RBFOX1: variants seen among roughly 807,000 people sequenced by gnomAD.
The protein encoded by RBFOX1 is RNA binding fox-1 homolog 1.
A neutral mutation model predicts 57.7 loss-of-function variants in RBFOX1; 8 were observed. The observed-to-expected ratio is 0.14, with a 90% CI of 0.08 to 0.25. RBFOX1 has a LOEUF of 0.25. RBFOX1 is among the 10% of genes least tolerant of loss of function. RBFOX1 has a pLI of 1.00. For missense variants in RBFOX1, 611 were observed against 548.5 expected (o/e 1.11, Z -1.14); for synonymous variants, 326 against 222.4 (o/e 1.47, Z -4.15).
Position 6,335,797 on chromosome 16 carries a change from A to AAAAAAG in RBFOX1, c.-64+18744_-64+18745insAGAAAA, listed in dbSNP as rs1555630917. On this transcript the variant is annotated intron_variant, in intron 2 of 15. Transcript: ENST00000550418. Reference sequence around the variant, plus strand: ...TCTCCAAAAAAAAAAAAAAGAAAAAAAAAAGAAAAGAAAAGAAAAGAAAAA... The same window carrying AAAAAAG: ...TCTCCAAAAAAAAAAAAAAGAAAAAAAAAAAGAAAAGAAAAGAAAAGAAAAGAAAAA... 1.3e-3 allele frequency among the ~76,000 whole-genome samples: 189 copies of AAAAAAG among 149,734 alleles called. 2 individuals are homozygous for AAAAAAG. The highest frequency in any genetic ancestry group is 4.1e-3 in the African/African-American group (164 of 40,188).
intron 3 of RBFOX1, among the ~76,000 whole-genome samples, chr16:6,913,503 C>G (rs1222181727): frequency 1.3e-5 from 2 of 152,148 alleles, no homozygotes; most frequent in African/African-American, 4.8e-5. Context: ...CCCTCGGCCC[C>G]ATCATCTGCA....
intron 1 of RBFOX1, among the ~76,000 whole-genome samples, chr16:6,244,277 A>T (rs1473886634): frequency 2.0e-5 from 3 of 151,898 alleles, no homozygotes; most frequent in Non-Finnish European, 4.4e-5. Flanking sequence ...GCAGAATGAA[A>T]TCCACGTGTT....
chr16:7,063,073 C>G (rs549923948), intron 4 of RBFOX1, among the ~76,000 whole-genome samples: 27 of 152,138 alleles, frequency 1.8e-4, no homozygotes, highest in African/African-American at 5.8e-4. Context: ...TCATACCCTG[C>G]AATGCCTCCC....
intron 3 of RBFOX1, among the ~76,000 whole-genome samples, chr16:6,806,233 G>GT (rs1356624924): frequency 6.6e-6 from 1 of 152,172 alleles, no homozygotes; most frequent in Non-Finnish European, 1.5e-5. Context: ...TCTATAGCCA[G>GT]TATTTGTTTT....
intron 3 of RBFOX1, among the ~76,000 whole-genome samples, chr16:5,744,107 A>G (rs1037236784): frequency 2.6e-5 from 4 of 152,132 alleles, no homozygotes; most frequent in African/African-American, 7.2e-5. Flanking sequence ...CTCCCAGGCT[A>G]CCATGCCCTG....
intron 3 of RBFOX1, among the ~76,000 whole-genome samples, chr16:6,720,129 ATGTT>A (rs1191601075): frequency 6.6e-6 from 1 of 152,044 alleles, no homozygotes; most frequent in African/African-American, 2.4e-5. Context: ...AAATAACAAA[ATGTT>A]AGTAAAGTGC....
rs55636828 is a variant in RBFOX1 at position 7,047,716 on chromosome 16, C to CTTTTT, written c.-15-4316_-15-4312dup. 5.7e-3 allele frequency among the ~76,000 whole-genome samples: 272 copies of CTTTTT among 47,760 alleles called. 2 individuals are homozygous for CTTTTT. The highest frequency in any genetic ancestry group is 0.026 in the Middle Eastern group (1 of 38). 31.3% of individuals were successfully genotyped at this position (47,760 alleles called of 152,430 possible). A position where few individuals can be genotyped will look rare whatever the true frequency, so the allele number is the denominator to read the frequency against. Reference sequence around the variant, plus strand: ...TATTTGTTCCACAGGTCCTGCATTTCTTTTTTTTTTTTTTTTTTTTTTTTT... The same window carrying CTTTTT: ...TATTTGTTCCACAGGTCCTGCATTTCTTTTTTTTTTTTTTTTTTTTTTTTTTTTTT... On this transcript the variant is annotated intron_variant, in intron 3 of 15. Transcript: ENST00000550418.
At chr16:6,752,861 C>T (rs1463128576) in intron 3 of RBFOX1, among the ~76,000 whole-genome samples, 1 of 150,464 alleles carries the variant, frequency 6.6e-6, no homozygotes, top group African/African-American at 2.4e-5. Context: ...GTCAGCCTCT[C>T]TGCTCACATA....
At chr16:7,154,391 T>C (rs1601234228) in intron 4 of RBFOX1, among the ~76,000 whole-genome samples, 3 of 152,248 alleles carry the variant, frequency 2.0e-5, no homozygotes, top group South Asian at 4.1e-4. Context: ...ACACATTTCA[T>C]GTGAATGTGG....
At position 7,204,499 on chromosome 16, in the gene RBFOX1, A is replaced by T. The variant is rs577169662; in HGVS notation, c.27+152401A>T. On this transcript the variant is annotated intron_variant, in intron 4 of 15. Transcript: ENST00000550418. Reference sequence around the variant, plus strand: ...TCTATAAAAATTATAATAGTAAATTAGCCAGGCATGGTGATATGCACCTGT... The same window carrying T: ...TCTATAAAAATTATAATAGTAAATTTGCCAGGCATGGTGATATGCACCTGT... Among the ~76,000 whole-genome samples the T allele has an allele frequency of 1.3e-4, 20 of 152,284 alleles. No homozygotes were observed. The South Asian group carries it at 4.1e-3, about 32-fold the overall frequency.
chr16:7,361,560 A>G lies in RBFOX1; in HGVS notation c.28-156587A>G, dbSNP rs983730394. Among the ~76,000 whole-genome samples the G allele has an allele frequency of 4.6e-5, 7 of 152,140 alleles. No individual in the cohort carries two copies. The South Asian group carries it at 1.5e-3, about 32-fold the overall frequency. Reference sequence around the variant, plus strand: ...CGAAGGTGGCAGGTGGCTAAGGAGGATATTTCCTTTGTAGCTGTTCCCGGC... The same window carrying G: ...CGAAGGTGGCAGGTGGCTAAGGAGGGTATTTCCTTTGTAGCTGTTCCCGGC... On this transcript the variant is annotated intron_variant, in intron 4 of 15. Transcript: ENST00000550418.
intron 5 of RBFOX1, among the ~76,000 whole-genome samples, chr16:7,549,515 G>T (rs140177703): frequency 6.6e-6 from 1 of 152,140 alleles, no homozygotes; most frequent in Non-Finnish European, 1.5e-5. Context: ...ACAATAGGTC[G>T]TCTGCAAGCT....
chr16:7,499,694 A>G (rs775717666), intron 4 of RBFOX1, among the ~76,000 whole-genome samples: 9 of 152,184 alleles, frequency 5.9e-5, no homozygotes, highest in Non-Finnish European at 1.3e-4. Context: ...CTATGCAAAA[A>G]CAAGTGCGCC....
At chr16:5,497,045 C>T (rs142245016) in intron 2 of RBFOX1, among the ~76,000 whole-genome samples, 145 of 152,068 alleles carry the variant, frequency 9.5e-4, no homozygotes, top group African/African-American at 3.4e-3. Context: ...ATTTTTTTTA[C>T]TTTCACAATC....
chr16:5,635,584 A>T (rs1478916935), intron 3 of RBFOX1, among the ~76,000 whole-genome samples: 1 of 152,248 alleles, frequency 6.6e-6, no homozygotes, highest in Non-Finnish European at 1.5e-5. Flanking sequence ...TAAGCGTTTT[A>T]GCCTCAAACT....
chr16:5,476,824 T>C (rs762254994), intron 2 of RBFOX1, among the ~76,000 whole-genome samples: 1 of 152,210 alleles, frequency 6.6e-6, no homozygotes, highest in Non-Finnish European at 1.5e-5. Flanking sequence ...TTCCTCAAGA[T>C]GGCTAGAGTC....
intron 3 of RBFOX1, among the ~76,000 whole-genome samples, chr16:6,950,998 T>G (rs1227508350): frequency 2.0e-5 from 3 of 152,032 alleles, no homozygotes; most frequent in Non-Finnish European, 2.9e-5. Context: ...CTCAAACTTC[T>G]AGGCTCCAGC....
intron 3 of RBFOX1, among the ~76,000 whole-genome samples, chr16:5,821,746 A>T (rs748548519): frequency 6.6e-6 from 1 of 152,206 alleles, no homozygotes; most frequent in Admixed American, 6.5e-5. Context: ...GGGAAGTCCA[A>T]GGTCAAGGCA....
chr16:5,988,229 T>C (rs979808507), intron 4 of RBFOX1, among the ~76,000 whole-genome samples: 1 of 152,156 alleles, frequency 6.6e-6, no homozygotes, highest in Admixed American at 6.5e-5. Context: ...GGAAGTCTTT[T>C]CCCCCTCACT....
Sources: gnomAD v4.1 joint callset for allele counts (sites outside exome capture counted in the v4.1 genomes callset) on GRCh38, gnomAD v4.1.1 for gene constraint, MANE v1.5 for transcripts, NCBI Gene and HGNC (gene_info 2026-07-23, HGNC 2026-07-21) for gene names.